Variants in EBF4 observed in about 807,000 individuals in gnomAD.
EBF4 encodes transcription factor COE4.
A neutral mutation model predicts 67.1 loss-of-function variants in EBF4; 34 were observed. The observed-to-expected ratio is 0.51, with a 90% CI of 0.39 to 0.67. The LOEUF is 0.67. Ranked by LOEUF, EBF4 falls within the 30% of genes least tolerant of loss-of-function variation. The pLI, the probability that EBF4 is intolerant of heterozygous loss-of-function variation, is 0.00. For missense variants in EBF4, 837 were observed against 873.3 expected (o/e 0.96, Z 0.52); for synonymous variants, 387 against 377.7 (o/e 1.02, Z -0.29).
intron 6 of EBF4, among the ~76,000 whole-genome samples, chr20:2,713,354 T>C (rs1331223850): frequency 6.6e-6 from 1 of 151,938 alleles, no homozygotes; most frequent in Admixed American, 6.6e-5. Context: ...AGTGGGAGCT[T>C]GGATGTTGTC....
intron 6 of EBF4, among the ~76,000 whole-genome samples, chr20:2,742,685 C>G (rs2087985777): frequency 6.6e-6 from 1 of 152,132 alleles, no homozygotes; most frequent in Non-Finnish European, 1.5e-5. Context: ...TCACTTTACT[C>G]CTCCCCACTC....
rs571830272 is a variant in EBF4, at chr20:2,706,897, C to T, written c.414+633C>T. On this transcript the variant is annotated intron_variant, in intron 4 of 16. Transcript: ENST00000609451. ...AGACCCTTGCACCTTGCTGATGTGACGGTTACGGGAAGGAGGCTCAGAGGC... is the reference window on the plus strand; with the variant it reads ...AGACCCTTGCACCTTGCTGATGTGATGGTTACGGGAAGGAGGCTCAGAGGC... Among the ~76,000 whole-genome samples the T allele has an allele frequency of 2.2e-4, 33 of 152,252 alleles. No homozygotes were observed. In the East Asian group the frequency reaches 6.0e-3, roughly 28 times the overall value.
chr20:2,729,835 A>T (rs1460493762), intron 6 of EBF4, among the ~76,000 whole-genome samples: 1 of 152,192 alleles, frequency 6.6e-6, no homozygotes, highest in East Asian at 1.9e-4. Flanking sequence ...TGAGGTGGGG[A>T]TTCAATTTCC....
chr20:2,706,320 T>C, intron 4 of EBF4, 56 bp downstream of exon 4: 1 of 1,540,526 alleles, frequency 6.5e-7, no homozygotes. Context: ...GGACCCTGCC[T>C]CCCCCTGGTC....
rs1745348242 is a variant in EBF4, at chr20:2,693,678, C to T, written c.33C>T (p.Ser11=). 3.5e-6 allele frequency: 5 copies of T among 1,440,894 alleles called. No homozygotes were observed. The African/African-American group carries it at 7.4e-5, about 21-fold the overall frequency. 89.3% of individuals were successfully genotyped at this position (1,440,894 alleles called of 1,614,324 possible). A position where few individuals can be genotyped will look rare whatever the true frequency, so the allele number is the denominator to read the frequency against. The change falls in exon 1 of 17, where the codon AGC becomes AGT. Residue 11 remains serine, a synonymous_variant. Transcript: ENST00000609451. This position sits in a 1 kb window ranked among gnomAD's most constrained non-coding sequence, Gnocchi z 4.6. The stretch of plus-strand genomic sequence containing the variant: ...CTGCGCAGGACGCTCTGCCCCGCAG[C>T]GGGCTGAACCTGAAGGAGGAGCCGC...
intron 6 of EBF4, among the ~76,000 whole-genome samples, chr20:2,742,206 C>T (rs1389337502): frequency 6.6e-6 from 1 of 152,146 alleles, no homozygotes; most frequent in East Asian, 1.9e-4. Flanking sequence ...TTAGCATTGA[C>T]TGTGACTTTG....
chr20:2,720,036 A>G (rs1476566704), intron 6 of EBF4, among the ~76,000 whole-genome samples: 3 of 152,220 alleles, frequency 2.0e-5, no homozygotes, highest in East Asian at 3.9e-4. Context: ...GGTTCTATCA[A>G]TTTTCCTTCA....
chr20:2,727,919 G>C (rs776304216), intron 6 of EBF4, among the ~76,000 whole-genome samples: 5 of 152,178 alleles, frequency 3.3e-5, no homozygotes, highest in African/African-American at 7.2e-5. Flanking sequence ...GGGGTTTTCT[G>C]AGTGTTGAGT....
chr20:2,706,212 T>C (rs1418667923), exon 4 of EBF4: 2 of 1,552,032 alleles, frequency 1.3e-6, no homozygotes, highest in Admixed American at 2.0e-5. Context: ...ATCCTAGGAC[T>C]GCGGACAGAG....
At chr20:2,748,480 G>A in intron 6 of EBF4, 69 bp from the exon 7 acceptor site, 1 of 1,438,228 alleles carries the variant, frequency 7.0e-7, no homozygotes, top group Non-Finnish European at 9.5e-7. Context: ...GGCATGGCAG[G>A]GAGCAGTTGG....
intron 1 of EBF4, among the ~76,000 whole-genome samples, chr20:2,694,170 A>G (rs940795055): frequency 1.3e-5 from 2 of 152,190 alleles, no homozygotes; most frequent in Non-Finnish European, 2.9e-5. Flanking sequence ...TCCTTGTCCA[A>G]TTCCGCAGCT....
chr20:2,742,494 T>G (rs1370923050), intron 6 of EBF4, among the ~76,000 whole-genome samples: 1 of 152,222 alleles, frequency 6.6e-6, no homozygotes. Context: ...TTTCTTCCAG[T>G]AATCCTAATG....
chr20:2,752,171 C>CT lies in EBF4; in HGVS notation c.1259_1260insT (p.Ser421GlufsTer98). The CT allele has an allele frequency of 6.9e-7, 1 of 1,442,958 alleles. No homozygotes were observed. Among genetic ancestry groups the CT allele is most frequent in the Admixed American group, 2.5e-5 (1 of 39,520 alleles). 89.4% of individuals were successfully genotyped at this position (1,442,958 alleles called of 1,614,324 possible). A position where few individuals can be genotyped will look rare whatever the true frequency, so the allele number is the denominator to read the frequency against. ...CCCGGGCCGCTCGCACCCCTGGCCC[C>CT]GAGCCACCCACACCCCGCCGTCGTG... is the stretch of plus-strand genomic sequence containing the variant. On this transcript the variant is annotated frameshift_variant, in exon 13 of 17. Coordinates refer to ENST00000609451, the Ensembl canonical transcript of EBF4. LOFTEE classifies it high-confidence loss of function.
At chr20:2,702,845 C>T (rs1295368929) in intron 1 of EBF4, among the ~76,000 whole-genome samples, 1 of 152,176 alleles carries the variant, frequency 6.6e-6, no homozygotes, top group Non-Finnish European at 1.5e-5. Flanking sequence ...CAGCCTCTCT[C>T]TTGTCCCCCA....
rs1324177318 is a variant in EBF4 at position 2,756,542 on chromosome 20, G to A, written c.1738+718G>A. Among the ~76,000 whole-genome samples the A allele has an allele frequency of 1.3e-5, 2 of 152,252 alleles. No individual in the cohort carries two copies. The highest frequency in any genetic ancestry group is 4.8e-5 in the African/African-American group (2 of 41,474). ...GGGGATGGTGGGGGCCAGGGCCAGT[G>A]TCTTCCCTAAGAGGCTTACAGGTGT... On this transcript the variant is annotated intron_variant, in intron 15 of 16. Transcript: ENST00000609451. This position sits in a 1 kb window ranked among gnomAD's most constrained non-coding sequence, Gnocchi z 4.5.
intron 6 of EBF4, among the ~76,000 whole-genome samples, chr20:2,734,653 G>A (rs961414989): frequency 7.2e-5 from 11 of 152,060 alleles, no homozygotes; most frequent in Non-Finnish European, 1.6e-4. Context: ...GATTTTCTTG[G>A]ACTAATTATA....
At chr20:2,697,411 G>A (rs529712493) in intron 1 of EBF4, among the ~76,000 whole-genome samples, 1,922 of 152,126 alleles carry the variant, frequency 0.013, 28 homozygotes, top group African/African-American at 0.042. Flanking sequence ...CGGGCGTGGT[G>A]GCGGGCGCCT....
At chr20:2,746,396 A>G (rs13043409) in intron 6 of EBF4, among the ~76,000 whole-genome samples, 1 of 152,098 alleles carries the variant, frequency 6.6e-6, no homozygotes, top group African/African-American at 2.4e-5. Context: ...GTAGGGGTGC[A>G]CCATTTGGGA....
rs916605801 is a variant in EBF4, at chr20:2,720,994, G to A, written c.557+11352G>A. Among the ~76,000 whole-genome samples the A allele has an allele frequency of 4.6e-5, 7 of 152,176 alleles. No homozygotes were observed. In the East Asian group the frequency reaches 1.4e-3, roughly 29 times the overall value. ...CATAACATGTCTTTCATTTCTAGCTGCTTTTAAGATATTCTTATAATTCAT... is the reference window on the plus strand; with the variant it reads ...CATAACATGTCTTTCATTTCTAGCTACTTTTAAGATATTCTTATAATTCAT... On this transcript the variant is annotated intron_variant, in intron 6 of 16. Transcript: ENST00000609451.
Sources: allele counts gnomAD v4.1 joint callset (sites outside exome capture counted in the v4.1 genomes callset), GRCh38; gene constraint gnomAD v4.1.1; non-coding constraint Gnocchi (gnomAD v3.1); transcripts MANE v1.5; gene names NCBI Gene and HGNC (gene_info 2026-07-23, HGNC 2026-07-21).